The following FHIT variants were observed in gnomAD, a reference collection of about 807,000 sequenced individuals.
The protein encoded by FHIT is bis(5'-adenosyl)-triphosphatase.
FHIT carries 19 observed loss-of-function variants against 17.9 expected under a neutral mutation model. That is an observed-to-expected ratio of 1.06 (90% CI 0.74 to 1.56). The LOEUF is 1.56. FHIT is among the 40% of genes most tolerant of loss of function. The pLI, the probability that FHIT is intolerant of heterozygous loss-of-function variation, is 0.00. For missense variants in FHIT, 248 were observed against 189.2 expected, an observed-to-expected ratio of 1.31 and a Z score of -1.82; for synonymous variants, 81 against 69.7, an observed-to-expected ratio of 1.16 and a Z score of -0.81.
rs138831110 is a variant in FHIT, at chr3:60,553,994, G to C, written c.-17-17015C>G. Among the ~76,000 whole-genome samples the C allele has an allele frequency of 1.5e-4, 23 of 152,214 alleles. No individual in the cohort carries two copies. In the East Asian group the frequency reaches 4.5e-3, roughly 30 times the overall value. ...CCCAGCTACTTGGGAGGCTGAGGCAGGAGAATCGCTTGAACCCAGTGGGCA... is the reference window on the plus strand; with the variant it reads ...CCCAGCTACTTGGGAGGCTGAGGCACGAGAATCGCTTGAACCCAGTGGGCA... On this transcript the variant is annotated intron_variant, in intron 4 of 9. Transcript: ENST00000492590.
chr3:60,406,942 T>C (rs1401484469), intron 5 of FHIT, among the ~76,000 whole-genome samples: 1 of 152,110 alleles, frequency 6.6e-6, no homozygotes, highest in Non-Finnish European at 1.5e-5. Context: ...GTGGTGTCCT[T>C]ATAAGACTGT....
intron 5 of FHIT, among the ~76,000 whole-genome samples, chr3:60,331,226 C>T (rs1261380880): frequency 6.6e-6 from 1 of 152,196 alleles, no homozygotes; most frequent in African/African-American, 2.4e-5. Flanking sequence ...CTTTACTCAT[C>T]CATCAGCTTA....
At chr3:60,702,413 G>GT (rs1280591131) in intron 4 of FHIT, among the ~76,000 whole-genome samples, 6 of 151,958 alleles carry the variant, frequency 3.9e-5, no homozygotes, top group African/African-American at 1.4e-4. Context: ...GGGAATATGA[G>GT]TATGACTCTT....
At chr3:60,776,651 TTGGC>T (rs1700225445) in intron 4 of FHIT, among the ~76,000 whole-genome samples, 2 of 152,214 alleles carry the variant, frequency 1.3e-5, no homozygotes, top group Admixed American at 6.5e-5. Flanking sequence ...AAGGCAAACC[TTGGC>T]TGCAGTTAGC....
In FHIT at chr3:60,280,380, C is replaced by G. The variant is rs768510514; in HGVS notation, c.103+256480G>C. ...AACTTTTAAAACATGAAAATGTTAC[C>G]TTCTTTGAAAGAAAGGACTTTGTAG... is the stretch of plus-strand genomic sequence containing the variant. On this transcript the variant is annotated intron_variant, in intron 5 of 9. Transcript: ENST00000492590. Among the ~76,000 whole-genome samples the G allele has an allele frequency of 2.6e-5, 4 of 152,118 alleles. 1 individual carries two copies. Among genetic ancestry groups the G allele is most frequent in the Admixed American group, 2.6e-4 (4 of 15,272 alleles).
intron 5 of FHIT, among the ~76,000 whole-genome samples, chr3:60,301,284 T>TA (rs1263878159): frequency 3.3e-5 from 5 of 152,138 alleles, no homozygotes; most frequent in Admixed American, 6.6e-5. Context: ...GCTGGACATA[T>TA]AAACTAGAGA....
At chr3:60,098,560 GTTGT>G (rs899254726) in intron 5 of FHIT, among the ~76,000 whole-genome samples, 6 of 152,208 alleles carry the variant, frequency 3.9e-5, no homozygotes, top group South Asian at 2.1e-4. Flanking sequence ...TTTTGATGGG[GTTGT>G]TTGTTTTTTT....
At chr3:61,088,595 C>T (rs1276530269) in intron 2 of FHIT, among the ~76,000 whole-genome samples, 1 of 152,134 alleles carries the variant, frequency 6.6e-6, no homozygotes, top group African/African-American at 2.4e-5. Context: ...ATATTGGAAA[C>T]TGTGCTCCAA....
chr3:60,983,014 C>T lies in FHIT; in HGVS notation c.-111+59033G>A, dbSNP rs145918000. Among the ~76,000 whole-genome samples, 575 of 152,252 alleles carry T rather than the reference C, an allele frequency of 3.8e-3. 4 individuals carry two copies. The highest frequency in any genetic ancestry group is 0.013 in the African/African-American group (553 of 41,554). On this transcript the variant is annotated intron_variant, in intron 3 of 9. Coordinates refer to ENST00000492590, the MANE Select transcript of FHIT (RefSeq NM_002012.4). The stretch of plus-strand genomic sequence containing the variant: ...AAAAACACCATGATTGACTCAGTCT[C>T]CCCAACTCCCCTGAAAGTACATATA...
chr3:60,013,957 CG>C, intron 6 of FHIT, 49 bp downstream of exon 6: 1 of 1,582,806 alleles, frequency 6.3e-7, no homozygotes, highest in Non-Finnish European at 8.7e-7. Context: ...AGCCCAATGC[CG>C]GGATATGAAA....
chr3:59,872,978 T>C lies in FHIT; in HGVS notation c.348+49368A>G, dbSNP rs563181099. Among the ~76,000 whole-genome samples, 3 of 152,350 alleles carry C rather than the reference T, an allele frequency of 2.0e-5. No homozygotes were observed. In the East Asian group the frequency reaches 5.8e-4, roughly 29 times the overall value. ...CTTTCAGTTACCTAGACTCAAAATC[T>C]AGAAGCAGCCCTGCTCACCTTCATC... On this transcript the variant is annotated intron_variant, in intron 8 of 9. Coordinates refer to ENST00000492590, the MANE Select transcript of FHIT (RefSeq NM_002012.4).
chr3:60,064,268 C>T (rs1254187021), intron 5 of FHIT, among the ~76,000 whole-genome samples: 3 of 151,942 alleles, frequency 2.0e-5, no homozygotes, highest in African/African-American at 7.3e-5. Flanking sequence ...TTGTTTATAA[C>T]TCTTATTTGA....
chr3:60,950,823 T>C (rs573125631), intron 3 of FHIT, among the ~76,000 whole-genome samples: 2 of 152,132 alleles, frequency 1.3e-5, no homozygotes, highest in African/African-American at 4.8e-5. Flanking sequence ...ATGCCCGGCC[T>C]AGGTAGGGCT....
At chr3:60,126,134 C>T (rs532348062) in intron 5 of FHIT, among the ~76,000 whole-genome samples, 1 of 152,118 alleles carries the variant, frequency 6.6e-6, no homozygotes, top group Admixed American at 6.5e-5. Context: ...AGACCAAGGC[C>T]CCAATCACAG....
chr3:59,776,333 A>G (rs753621150), intron 8 of FHIT, among the ~76,000 whole-genome samples: 3 of 152,214 alleles, frequency 2.0e-5, no homozygotes, highest in Non-Finnish European at 4.4e-5. Context: ...AGTGGAGGTG[A>G]CAGCTACAAG....
At chr3:59,874,606 A>C (rs874238) in intron 8 of FHIT, among the ~76,000 whole-genome samples, 112,574 of 151,944 alleles carry the variant, frequency 0.74, 42,573 homozygotes, top group East Asian at 1. Context: ...GGGTTAGGAC[A>C]GTGGGCTTGG....
intron 5 of FHIT, among the ~76,000 whole-genome samples, chr3:60,421,703 T>G (rs1702474491): frequency 6.6e-6 from 1 of 152,156 alleles, no homozygotes; most frequent in Admixed American, 6.6e-5. Flanking sequence ...ACCTTAACTT[T>G]CTCCAATTTT....
intron 4 of FHIT, among the ~76,000 whole-genome samples, chr3:60,546,241 C>CT (rs1382842387): frequency 1.3e-5 from 2 of 152,106 alleles, no homozygotes; most frequent in African/African-American, 4.8e-5. Flanking sequence ...TTTCACTTCA[C>CT]TTTTTCTCCT....
chr3:60,482,581 G>A (rs79473905), intron 5 of FHIT, among the ~76,000 whole-genome samples: 12,398 of 152,030 alleles, frequency 0.082, 731 homozygotes, highest in African/African-American at 0.16. Flanking sequence ...GTGAATCCTG[G>A]GTAAATAATG....
Sources: gnomAD v4.1 joint callset for allele counts (sites outside exome capture counted in the v4.1 genomes callset) on GRCh38, gnomAD v4.1.1 for gene constraint, MANE v1.5 for transcripts, NCBI Gene and HGNC (gene_info 2026-07-23, HGNC 2026-07-21) for gene names.